The following RASEF variants were observed in gnomAD, a reference collection of about 807,000 sequenced individuals.
The protein encoded by RASEF is ras and EF-hand domain-containing protein.
In RASEF, 68 loss-of-function variants were observed where a neutral mutation model predicts 90.1. The ratio of observed to expected loss-of-function variants is 0.75; its 90% CI spans 0.62 to 0.92. RASEF has a LOEUF of 0.92. Among genes scored for constraint, RASEF ranks in the 40% least tolerant of loss-of-function variants. The pLI is 0.00. For synonymous variants in RASEF, 331 were observed against 345.2 expected, an observed-to-expected ratio of 0.96 and a Z score of 0.46; for missense variants, 949 against 937.2, an observed-to-expected ratio of 1.01 and a Z score of -0.16.
chr9:83,161,570 G>T, the RASEF span, among the ~76,000 whole-genome samples: 1 of 152,002 alleles, frequency 6.6e-6, no homozygotes, highest in Non-Finnish European at 1.5e-5. Flanking sequence ...TCTCCAATGA[G>T]ACGTTGGACT....
chr9:83,119,789 T>G, the RASEF span, among the ~76,000 whole-genome samples: 2 of 152,190 alleles, frequency 1.3e-5, no homozygotes, highest in South Asian at 4.1e-4. Context: ...GTTCTTATGA[T>G]AGTGAATGGG....
chr9:83,109,641 G>T, the RASEF span, among the ~76,000 whole-genome samples: 2 of 152,196 alleles, frequency 1.3e-5, no homozygotes, highest in Non-Finnish European at 2.9e-5. Flanking sequence ...CATAGCTGCT[G>T]TATGAACAGT....
chr9:83,032,599 G>T (rs1829667338), intron 1 of RASEF, among the ~76,000 whole-genome samples: 2 of 152,186 alleles, frequency 1.3e-5, no homozygotes, highest in Admixed American at 1.3e-4. Context: ...CAATGTTTTA[G>T]ATGTCATTTA....
At chr9:82,992,792 G>T in intron 15 of RASEF, 114 bp downstream of exon 15, 1 of 1,053,722 alleles carries the variant, frequency 9.5e-7, no homozygotes, top group Non-Finnish European at 1.4e-6. Context: ...CCTCAGACGG[G>T]GGAGGTTTGT....
At chr9:83,196,337 G>C in the RASEF span, among the ~76,000 whole-genome samples, 3 of 152,066 alleles carry the variant, frequency 2.0e-5, no homozygotes, top group African/African-American at 7.2e-5. Flanking sequence ...TGGGATGGGG[G>C]AGCTGTGGGC....
intron 1 of RASEF, among the ~76,000 whole-genome samples, chr9:83,039,020 GTTTT>G (rs1235734913): frequency 1.3e-5 from 2 of 152,090 alleles, no homozygotes; most frequent in Non-Finnish European, 2.9e-5. Context: ...CACTGTTCTG[GTTTT>G]TTTGTTTTGT....
chr9:83,209,417 T>C, the RASEF span, among the ~76,000 whole-genome samples: 1 of 152,206 alleles, frequency 6.6e-6, no homozygotes, highest in Non-Finnish European at 1.5e-5. Flanking sequence ...CATCTGCAAA[T>C]TTTTTAAAAA....
At chr9:83,043,401 G>GC (rs367586961) in intron 1 of RASEF, among the ~76,000 whole-genome samples, 1 of 151,860 alleles carries the variant, frequency 6.6e-6, no homozygotes, top group African/African-American at 2.4e-5. Flanking sequence ...AGTGATTGGG[G>GC]GGGGGGACCC....
At chr9:82,986,297 C>T (rs79009869) in intron 16 of RASEF, among the ~76,000 whole-genome samples, 41 of 152,310 alleles carry the variant, frequency 2.7e-4, no homozygotes, top group African/African-American at 9.6e-4. Context: ...CTGAACAATT[C>T]ACATCTCTCT....
intron 16 of RASEF, 86 bp from the exon 17 acceptor site, chr9:82,982,868 T>A: frequency 1.3e-6 from 1 of 795,010 alleles, no homozygotes; most frequent in East Asian, 2.5e-5. Flanking sequence ...CCACAGATGG[T>A]TCTGTAGAAA....
the RASEF span, among the ~76,000 whole-genome samples, chr9:83,106,392 C>G: frequency 6.6e-6 from 1 of 152,140 alleles, no homozygotes; most frequent in South Asian, 2.1e-4. Context: ...GATCATCTAC[C>G]CCTATGTCAT....
the RASEF span, among the ~76,000 whole-genome samples, chr9:83,164,347 G>GTGTGTGTATATATATA: frequency 6.8e-4 from 89 of 129,964 alleles, no homozygotes; most frequent in African/African-American, 2.2e-3. Flanking sequence ...GTATATGTGT[G>GTGTGTGTATATATATA]TATATATATA....
the RASEF span, among the ~76,000 whole-genome samples, chr9:83,091,125 A>G: frequency 1.3e-5 from 2 of 152,048 alleles, no homozygotes; most frequent in Admixed American, 1.3e-4. Flanking sequence ...TTCACTTTCT[A>G]CTTGCAAAGA....
At chr9:83,087,785 T>G in the RASEF span, among the ~76,000 whole-genome samples, 1 of 152,136 alleles carries the variant, frequency 6.6e-6, no homozygotes, top group African/African-American at 2.4e-5. Flanking sequence ...CACACTAATA[T>G]TATTTCCTTC....
chr9:83,045,643 G>T (rs1174529513), intron 1 of RASEF, among the ~76,000 whole-genome samples: 2 of 152,176 alleles, frequency 1.3e-5, no homozygotes, highest in South Asian at 4.1e-4. Context: ...ATTCATTTCT[G>T]TCTTTGTGCC....
rs1169780207 is a variant in RASEF at position 83,058,428 on chromosome 9, C to T, written c.431+4009G>A. Among the ~76,000 whole-genome samples, 5 of 151,864 alleles carry T rather than the reference C, an allele frequency of 3.3e-5. No homozygotes were observed. The East Asian group carries it at 5.8e-4, about 18-fold the overall frequency. ...CCATCTCCTGACCTCGTGATCCGCC[C>T]GCCTCGGCCTCCCAAAGTGCTGGGA... is the stretch of plus-strand genomic sequence containing the variant. On this transcript the variant is annotated intron_variant, in intron 1 of 16. Coordinates refer to ENST00000376447, the MANE Select transcript of RASEF (RefSeq NM_152573.4).
At position 83,030,229 on chromosome 9, in the gene RASEF, C is replaced by T. The variant is rs1280996661; in HGVS notation, c.432-4308G>A. Reference sequence around the variant, plus strand: ...GAAATTAGCCAGGCGTGGTGGTGGGCGCCTGTAGTCCCAGCTACTCGGGAG... The same window carrying T: ...GAAATTAGCCAGGCGTGGTGGTGGGTGCCTGTAGTCCCAGCTACTCGGGAG... On this transcript the variant is annotated intron_variant, in intron 1 of 16. Transcript: ENST00000376447. Among the ~76,000 whole-genome samples, 4 of 152,040 alleles carry T rather than the reference C, an allele frequency of 2.6e-5. 1 individual carries two copies. Among genetic ancestry groups the T allele is most frequent in the Middle Eastern group, 6.8e-3 (2 of 294 alleles).
At chr9:83,155,521 A>G in the RASEF span, among the ~76,000 whole-genome samples, 1 of 152,122 alleles carries the variant, frequency 6.6e-6, no homozygotes, top group African/African-American at 2.4e-5. Context: ...AGTATGGGGG[A>G]AACCGCCCCC....
the RASEF span, among the ~76,000 whole-genome samples, chr9:83,097,856 C>T: frequency 6.6e-6 from 1 of 152,180 alleles, no homozygotes; most frequent in Non-Finnish European, 1.5e-5. Flanking sequence ...TCGTCGTCAT[C>T]GTCATATTTA....
Sources: allele counts gnomAD v4.1 joint callset (sites outside exome capture counted in the v4.1 genomes callset), GRCh38; gene constraint gnomAD v4.1.1; transcripts MANE v1.5; gene names NCBI Gene and HGNC (gene_info 2026-07-23, HGNC 2026-07-21).